The following THEMIS variants were observed in gnomAD, a reference collection of about 807,000 sequenced individuals.
The protein encoded by THEMIS is protein THEMIS.
A neutral mutation model predicts 52.6 loss-of-function variants in THEMIS; 37 were observed. The observed-to-expected ratio is 0.70, with a 90% CI of 0.54 to 0.93. The LOEUF is 0.93. Ranked by LOEUF, THEMIS falls within the 40% of genes least tolerant of loss-of-function variation. The pLI is 0.00. For synonymous variants in THEMIS, 292 were observed against 272.7 expected (o/e 1.07, Z -0.70); for missense variants, 808 against 763.1 (o/e 1.06, Z -0.69).
intron 4 of THEMIS, among the ~76,000 whole-genome samples, chr6:127,743,592 T>C (rs1039926954): frequency 2.0e-5 from 3 of 152,120 alleles, no homozygotes; most frequent in East Asian, 1.9e-4. Flanking sequence ...AAGTGGTTTT[T>C]TAGTTGCTAT....
intron 1 of THEMIS, among the ~76,000 whole-genome samples, chr6:127,898,994 G>A (rs1015201874): frequency 6.6e-6 from 1 of 151,700 alleles, no homozygotes; most frequent in Non-Finnish European, 1.5e-5. Context: ...ATAGAGAGGG[G>A]TTGGTTGATT....
chr6:127,809,902 G>A (rs1200374283), intron 4 of THEMIS, among the ~76,000 whole-genome samples: 3 of 150,512 alleles, frequency 2.0e-5, no homozygotes, highest in African/African-American at 7.4e-5. Flanking sequence ...TTCCTCAAAT[G>A]AAAATGGCTC....
chr6:127,782,448 C>T (rs1037445461), intron 4 of THEMIS, among the ~76,000 whole-genome samples: 6 of 152,176 alleles, frequency 3.9e-5, no homozygotes, highest in African/African-American at 1.4e-4. Context: ...AGGGAATATC[C>T]TAGTCTGTGG....
At chr6:127,713,943 G>T (rs568317423) in intron 5 of THEMIS, among the ~76,000 whole-genome samples, 1 of 151,976 alleles carries the variant, frequency 6.6e-6, no homozygotes, top group East Asian at 1.9e-4. Context: ...AGACTAGTTA[G>T]AAAGCAAGTG....
At chr6:127,887,970 T>C (rs926935991) in intron 1 of THEMIS, among the ~76,000 whole-genome samples, 3 of 152,040 alleles carry the variant, frequency 2.0e-5, no homozygotes, top group Non-Finnish European at 4.4e-5. Context: ...GACCGGAATA[T>C]GGAAGACAGG....
At chr6:127,785,030 C>A (rs535463710) in intron 4 of THEMIS, among the ~76,000 whole-genome samples, 38 of 150,642 alleles carry the variant, frequency 2.5e-4, no homozygotes, top group Non-Finnish European at 4.7e-4. Context: ...ATCTACCTAT[C>A]AATATCTTTC....
chr6:127,856,005 C>T (rs930693487), intron 1 of THEMIS, among the ~76,000 whole-genome samples: 1 of 151,924 alleles, frequency 6.6e-6, no homozygotes, highest in Non-Finnish European at 1.5e-5. Flanking sequence ...ATATCTCTGG[C>T]ATATTATTGC....
chr6:127,699,623 C>T, the THEMIS span, among the ~76,000 whole-genome samples: 4 of 151,470 alleles, frequency 2.6e-5, no homozygotes, highest in Non-Finnish European at 4.4e-5. Context: ...AGAAATAAAC[C>T]GAACTGTACA....
chr6:127,748,993 T>C (rs929306594), intron 4 of THEMIS, among the ~76,000 whole-genome samples: 3 of 152,094 alleles, frequency 2.0e-5, no homozygotes, highest in African/African-American at 7.2e-5. Flanking sequence ...ACAGTATATC[T>C]ATAAATGAGG....
chr6:127,897,643 G>C (rs369826871), intron 1 of THEMIS, among the ~76,000 whole-genome samples: 1 of 151,414 alleles, frequency 6.6e-6, no homozygotes, highest in Non-Finnish European at 1.5e-5. Flanking sequence ...TGATAATATC[G>C]TGTTACTAAG....
chr6:127,697,299 A>G, the THEMIS span, among the ~76,000 whole-genome samples: 1 of 152,086 alleles, frequency 6.6e-6, no homozygotes, highest in African/African-American at 2.4e-5. Flanking sequence ...TAATAGTTCT[A>G]CCTTTCCAAA....
chr6:127,811,221 C>T (rs933059914), intron 4 of THEMIS, among the ~76,000 whole-genome samples: 6 of 152,076 alleles, frequency 3.9e-5, no homozygotes, highest in African/African-American at 1.2e-4. Flanking sequence ...AACTTAGTGG[C>T]TTAAATAATA....
chr6:127,827,520 C>A (rs1165267357), intron 3 of THEMIS, among the ~76,000 whole-genome samples: 1 of 152,112 alleles, frequency 6.6e-6, no homozygotes, highest in Admixed American at 6.6e-5. Context: ...CAACCAAGGG[C>A]TTTCTTCTCG....
intron 4 of THEMIS, among the ~76,000 whole-genome samples, chr6:127,729,365 G>C (rs1285556307): frequency 6.6e-6 from 1 of 152,088 alleles, no homozygotes; most frequent in Non-Finnish European, 1.5e-5. Context: ...CCTTTCGAGA[G>C]GTCTATGGAA....
At position 127,718,876 on chromosome 6, in the gene THEMIS, C is replaced by T. The variant is rs180965737; in HGVS notation, c.1894+812G>A. On this transcript the variant is annotated intron_variant, in intron 5 of 5. Coordinates refer to ENST00000368248, the MANE Select transcript of THEMIS (RefSeq NM_001010923.3). Reference sequence around the variant, plus strand: ...ACTACATGAAAGAACCCAGATTGTGCAGACAGGGTTTGGAGCAGAAACACT... The same window carrying T: ...ACTACATGAAAGAACCCAGATTGTGTAGACAGGGTTTGGAGCAGAAACACT... Among the ~76,000 whole-genome samples, 4 of 151,588 alleles carry T rather than the reference C, an allele frequency of 2.6e-5. No individual in the cohort carries two copies. In the Admixed American group the frequency reaches 2.6e-4, roughly 10 times the overall value.
chr6:127,760,567 T>G (rs1775987256), intron 4 of THEMIS, among the ~76,000 whole-genome samples: 1 of 152,194 alleles, frequency 6.6e-6, no homozygotes, highest in East Asian at 1.9e-4. Context: ...GGAGGACTAC[T>G]TGAGGCTAGG....
rs189327891 is a variant in THEMIS, at chr6:127,781,226, T to G, written c.1758+31657A>C. Among the ~76,000 whole-genome samples the G allele has an allele frequency of 6.6e-3, 996 of 151,978 alleles. 12 individuals are homozygous for G. The highest frequency in any genetic ancestry group is 0.052 in the South Asian group (249 of 4,822). On this transcript the variant is annotated intron_variant, in intron 4 of 5. Transcript: ENST00000368248. ...TATGCTTCACAAAGTTCTTGTGCCGTGTTTTTCAGCTCCATCAGGTCATCA... is the reference window on the plus strand; with the variant it reads ...TATGCTTCACAAAGTTCTTGTGCCGGGTTTTTCAGCTCCATCAGGTCATCA...
intron 4 of THEMIS, among the ~76,000 whole-genome samples, chr6:127,757,763 A>G (rs1024720387): frequency 8.5e-5 from 13 of 152,088 alleles, no homozygotes; most frequent in Non-Finnish European, 8.8e-5. Flanking sequence ...GATTACAGGC[A>G]TGAACCACCA....
intron 4 of THEMIS, among the ~76,000 whole-genome samples, chr6:127,801,559 G>A (rs1257486527): frequency 2.6e-5 from 4 of 152,098 alleles, no homozygotes; most frequent in Non-Finnish European, 4.4e-5. Flanking sequence ...ACTGAGTTTC[G>A]AAACTCTCAT....
Sources: gnomAD v4.1 joint callset for allele counts (sites outside exome capture counted in the v4.1 genomes callset) on GRCh38, gnomAD v4.1.1 for gene constraint, MANE v1.5 for transcripts, NCBI Gene and HGNC (gene_info 2026-07-23, HGNC 2026-07-21) for gene names.